The following GRM5 variants were observed in gnomAD, a reference collection of about 807,000 sequenced individuals.
GRM5 encodes metabotropic glutamate receptor 5.
A neutral mutation model predicts 83.1 loss-of-function variants in GRM5; 19 were observed. That is an observed-to-expected ratio of 0.23 (90% CI 0.16 to 0.34). The LOEUF (loss-of-function observed/expected upper bound fraction) is 0.34. Among genes scored for constraint, GRM5 ranks in the 10% least tolerant of loss-of-function variants. The pLI is 1.00. For missense variants in GRM5, 1,160 were observed against 1,588.3 expected (o/e 0.73, Z 4.58); for synonymous variants, 675 against 633.6 (o/e 1.07, Z -0.98).
intron 3 of GRM5, among the ~76,000 whole-genome samples, chr11:88,670,803 T>A (rs1378432279): frequency 2.0e-5 from 3 of 152,002 alleles, no homozygotes; most frequent in Non-Finnish European, 4.4e-5. Flanking sequence ...ATCGACATAG[T>A]TCAGTATAAA....
At chr11:89,010,188 C>G (rs4753211) in intron 2 of GRM5, among the ~76,000 whole-genome samples, 88,362 of 151,580 alleles carry the variant, frequency 0.58, 25,786 homozygotes, top group South Asian at 0.72. Context: ...CTATTATACA[C>G]GATTATATGC....
chr11:88,964,447 C>T (rs1020284301), intron 2 of GRM5, among the ~76,000 whole-genome samples: 17 of 151,794 alleles, frequency 1.1e-4, no homozygotes, highest in Non-Finnish European at 2.5e-4. Flanking sequence ...GTTTTGAGAA[C>T]TAGAACATGC....
chr11:88,848,701 T>C (rs1348442274), intron 3 of GRM5, among the ~76,000 whole-genome samples: 2 of 152,218 alleles, frequency 1.3e-5, no homozygotes, highest in Non-Finnish European at 2.9e-5. Flanking sequence ...GATGTTGTCT[T>C]ACTAATTATG....
intron 3 of GRM5, among the ~76,000 whole-genome samples, chr11:88,669,761 C>A (rs967631395): frequency 2.0e-5 from 3 of 151,838 alleles, no homozygotes; most frequent in Admixed American, 6.6e-5. Flanking sequence ...TTCATGCATG[C>A]AAGATAAATT....
chr11:89,041,832 T>C (rs1173278548), intron 2 of GRM5, among the ~76,000 whole-genome samples: 7 of 152,372 alleles, frequency 4.6e-5, no homozygotes, highest in East Asian at 1.9e-4. Flanking sequence ...ATCTTCTAAA[T>C]TGTATATATT....
chr11:88,694,199 A>T (rs1347529877), intron 3 of GRM5, among the ~76,000 whole-genome samples: 1 of 152,228 alleles, frequency 6.6e-6, no homozygotes, highest in African/African-American at 2.4e-5. Context: ...TAATTTTGGA[A>T]TTTTAAGTTT....
At chr11:88,611,346 G>T (rs1327504314) in intron 4 of GRM5, among the ~76,000 whole-genome samples, 1 of 152,100 alleles carries the variant, frequency 6.6e-6, no homozygotes, top group African/African-American at 2.4e-5. Flanking sequence ...ATTGGGCCCA[G>T]GACATTTTTT....
intron 2 of GRM5, among the ~76,000 whole-genome samples, chr11:89,002,795 C>A (rs1211968206): frequency 1.3e-5 from 2 of 152,072 alleles, no homozygotes; most frequent in African/African-American, 4.8e-5. Flanking sequence ...CCACACTATT[C>A]CCACTGCTCA....
At chr11:88,963,850 G>A (rs1436521856) in intron 2 of GRM5, among the ~76,000 whole-genome samples, 1 of 152,104 alleles carries the variant, frequency 6.6e-6, no homozygotes, top group Non-Finnish European at 1.5e-5. Context: ...GTACATTATG[G>A]CCAATATTTG....
At chr11:88,658,468 G>C (rs1467182422) in intron 3 of GRM5, among the ~76,000 whole-genome samples, 1 of 152,150 alleles carries the variant, frequency 6.6e-6, no homozygotes, top group Non-Finnish European at 1.5e-5. Context: ...GCATCACTGT[G>C]TGTTGAAATT....
At chr11:88,981,626 C>T (rs972825743) in intron 2 of GRM5, among the ~76,000 whole-genome samples, 1 of 151,342 alleles carries the variant, frequency 6.6e-6, no homozygotes, top group African/African-American at 2.5e-5. Context: ...ATTTCTCTAC[C>T]CCCCACCTTG....
intron 3 of GRM5, among the ~76,000 whole-genome samples, chr11:88,838,828 C>G (rs1017163038): frequency 9.9e-5 from 15 of 151,304 alleles, no homozygotes; most frequent in African/African-American, 3.6e-4. Context: ...TTTCCAATCT[C>G]CACTGACTGT....
chr11:88,790,286 A>G (rs1943148914), intron 3 of GRM5, among the ~76,000 whole-genome samples: 1 of 152,224 alleles, frequency 6.6e-6, no homozygotes, highest in Non-Finnish European at 1.5e-5. Flanking sequence ...TTACAAACAC[A>G]GAACATCACA....
chr11:88,557,802 T>C (rs1452367646), intron 8 of GRM5, among the ~76,000 whole-genome samples: 2 of 151,688 alleles, frequency 1.3e-5, no homozygotes, highest in South Asian at 2.1e-4. Flanking sequence ...GTGCAGAACA[T>C]GTAGGTTTGT....
intron 2 of GRM5, among the ~76,000 whole-genome samples, chr11:89,033,113 T>C (rs1941300547): frequency 6.6e-6 from 1 of 152,030 alleles, no homozygotes; most frequent in Non-Finnish European, 1.5e-5. Flanking sequence ...TATCAGGCAG[T>C]CTTACACTTA....
At chr11:88,992,390 A>G (rs1439498343) in intron 2 of GRM5, among the ~76,000 whole-genome samples, 6 of 151,830 alleles carry the variant, frequency 4.0e-5, no homozygotes, top group Non-Finnish European at 7.4e-5. Context: ...AGGATGTGGA[A>G]AAATAGGAAC....
At chr11:88,515,680 T>C (rs1941501218) in intron 9 of GRM5, among the ~76,000 whole-genome samples, 1 of 152,244 alleles carries the variant, frequency 6.6e-6, no homozygotes, top group African/African-American at 2.4e-5. Flanking sequence ...TGAGATGTTT[T>C]AACAGCGATT....
At chr11:89,063,073 C>T (rs1942027546) in intron 1 of GRM5, among the ~76,000 whole-genome samples, 1 of 152,248 alleles carries the variant, frequency 6.6e-6, no homozygotes, top group South Asian at 2.1e-4. Context: ...ACGAAGCGGC[C>T]CCTAACAGAT....
At chr11:89,025,961 A>T (rs1941120993) in intron 2 of GRM5, among the ~76,000 whole-genome samples, 2 of 152,230 alleles carry the variant, frequency 1.3e-5, no homozygotes, top group Non-Finnish European at 2.9e-5. Context: ...GAGTAGATTT[A>T]AAAAATGCGG....
Sources: allele counts gnomAD v4.1 joint callset (sites outside exome capture counted in the v4.1 genomes callset), GRCh38; gene constraint gnomAD v4.1.1; transcripts MANE v1.5; gene names NCBI Gene and HGNC (gene_info 2026-07-23, HGNC 2026-07-21).